The following C6orf62 variants were observed in gnomAD, a reference collection of about 807,000 sequenced individuals.
C6orf62 encodes uncharacterized protein C6orf62.
A neutral mutation model predicts 26.8 loss-of-function variants in C6orf62; 16 were observed. That is an observed-to-expected ratio of 0.60 (90% confidence interval 0.40 to 0.91). The LOEUF is 0.91. Among genes scored for constraint, C6orf62 ranks in the 40% least tolerant of loss-of-function variants. C6orf62 has a pLI of 0.00. For missense variants in C6orf62, 192 were observed against 271.4 expected (o/e 0.71, Z 2.06); for synonymous variants, 112 against 91.5 (o/e 1.22, Z -1.28).
At chr6:24,706,324 A>T (rs1779009298) in intron 4 of C6orf62, 62 bp from the exon 5 acceptor site, 1 of 1,586,864 alleles carries the variant, frequency 6.3e-7, no homozygotes. Context: ...CTGTCACATG[A>T]AGTCCATTTC....
In C6orf62 at chr6:24,716,286, T is replaced by C; in HGVS notation, c.168A>G (p.Ile56Met). The C allele has an allele frequency of 6.2e-7, 1 of 1,614,010 alleles. No homozygotes were observed. Among genetic ancestry groups the C allele is most frequent in the Non-Finnish European group, 8.5e-7 (1 of 1,179,878 alleles). The part of the protein sequence containing the change: ...KSALFEVSEV[I>M]PVMTNNYEEN... ...CTTCATAATTATTTGTCATGACTGGTATAACCTCAGACACTTCAAAAAGTG... is the reference window on the plus strand; with the variant it reads ...CTTCATAATTATTTGTCATGACTGGCATAACCTCAGACACTTCAAAAAGTG... Residue 56 changes from isoleucine (I) to methionine (M), a missense_variant, in exon 2 of 5, where the codon ATA (isoleucine) becomes ATG (methionine). Physicochemically the swap from Ile to Met is conservative, Grantham distance 10. Transcript: ENST00000378119.
Position 24,708,850 on chromosome 6 carries a change from T to C in C6orf62, c.491A>G (p.Lys164Arg). The change falls in exon 4 of 5, where the codon AAG becomes AGG. Residue 164 changes from lysine (K) to arginine (R), a missense_variant. Transcript: ENST00000378119. ...EKQFLHVLSR[K>R]DKTGIVVNNP... ...GTTGACAACGATTCCAGTCTTGTCC[T>C]TGCGGCTCAGTACATGCAGAAACTG... 6.2e-7 allele frequency: 1 copy of C among 1,614,214 alleles called. No homozygotes were observed. The highest frequency in any genetic ancestry group is 1.1e-5 in the South Asian group (1 of 91,086).
At chr6:24,718,168 T>G (rs1359908546) in intron 1 of C6orf62, among the ~76,000 whole-genome samples, 1 of 152,246 alleles carries the variant, frequency 6.6e-6, no homozygotes, top group Non-Finnish European at 1.5e-5. Context: ...ACAGTCTGAT[T>G]ACAATTTCAC....
intron 3 of C6orf62, chr6:24,709,405 T>C (rs1194480222): frequency 2.0e-6 from 2 of 978,368 alleles, no homozygotes; most frequent in Non-Finnish European, 2.4e-6. Context: ...TGTTAATTGC[T>C]GTTTCTAAGA....
intron 1 of C6orf62, 55 bp from the exon 2 acceptor site, chr6:24,716,379 TCA>T: frequency 8.0e-7 from 1 of 1,245,612 alleles, no homozygotes; most frequent in South Asian, 1.3e-5. Flanking sequence ...CTTTTAACAC[TCA>T]GTTCATATTA....
Position 24,719,137 on chromosome 6 carries a change from A to C in C6orf62, c.-469T>G. On this transcript the variant is annotated 5_prime_UTR_variant, in exon 1 of 5. Transcript: ENST00000378119. ...AGGGATTAAGGAACAGGGAGGGGGA[A>C]GTGTGATCCTTGCTTTCCAAAAAAA... is the stretch of plus-strand genomic sequence containing the variant. 4 of 525,206 alleles carry C rather than the reference A, an allele frequency of 7.6e-6. No homozygotes were observed. The highest frequency in any genetic ancestry group is 9.7e-6 in the Non-Finnish European group (4 of 412,900). The allele number at this position is 525,206 out of a possible 1,614,324, so 32.5% of individuals were successfully genotyped here.
At position 24,716,001 on chromosome 6, in the gene C6orf62, C is replaced by T. The variant is rs940391064; in HGVS notation, c.306+147G>A. 1.7e-5 allele frequency: 11 copies of T among 646,444 alleles called. No homozygotes were observed. In the Admixed American group the frequency reaches 3.0e-4, roughly 17 times the overall value. The allele number at this position is 646,444 out of a possible 1,614,324, so 40.0% of individuals were successfully genotyped here. Reference sequence around the variant, plus strand: ...ACACAATGCTTTAAAGTCATGATCCCAGTTATCAACATGGCACAAAGACAA... The same window carrying T: ...ACACAATGCTTTAAAGTCATGATCCTAGTTATCAACATGGCACAAAGACAA... On this transcript the variant is annotated intron_variant, in intron 2 of 4. Transcript: ENST00000378119.
At chr6:24,709,666 G>A (rs1337346004) in intron 3 of C6orf62, 1 of 985,312 alleles carries the variant, frequency 1.0e-6, no homozygotes, top group African/African-American at 1.7e-5. Context: ...TCAAAAATTT[G>A]TGAAGTTATG....
chr6:24,720,223 C>CG, upstream of C6orf62: 1 of 1,324,978 alleles, frequency 7.5e-7, no homozygotes, highest in Non-Finnish European at 9.6e-7. Context: ...CGGACCGACT[C>CG]TAGGGCGGGG....
chr6:24,719,988 T>C (rs929477942), upstream of C6orf62: 15 of 1,540,538 alleles, frequency 9.7e-6, no homozygotes, highest in Admixed American at 3.0e-4. Context: ...AGAAAATAAT[T>C]GTGTTAATAT....
upstream of C6orf62, chr6:24,719,496 C>G (rs1447919160): frequency 3.6e-6 from 4 of 1,120,164 alleles, no homozygotes; most frequent in Non-Finnish European, 4.4e-6. Context: ...TACCAACTTC[C>G]CCATCACCCA....
intron 3 of C6orf62, 113 bp downstream of exon 3, chr6:24,714,205 G>A (rs11753290): frequency 0.19 from 149,686 of 785,686 alleles, 16,078 homozygotes; most frequent in Middle Eastern, 0.22. Context: ...GGGGAGACTC[G>A]TGAAATAAAA....
chr6:24,719,810 AC>A (rs761664331), upstream of C6orf62: 324 of 1,276,708 alleles, frequency 2.5e-4, 3 homozygotes, highest in Non-Finnish European at 7.5e-6. Context: ...CCTGCCTTCC[AC>A]CCCCGCAGGT....
At chr6:24,719,471 A>C (rs1447009710), upstream of C6orf62, 2 of 1,093,456 alleles carry the variant, frequency 1.8e-6, no homozygotes, top group East Asian at 1.6e-4. Flanking sequence ...CCATGAGAAA[A>C]AACAGCGGAG....
chr6:24,712,389 G>A (rs1360417242), intron 3 of C6orf62, among the ~76,000 whole-genome samples: 1 of 151,404 alleles, frequency 6.6e-6, no homozygotes, highest in Non-Finnish European at 1.5e-5. Flanking sequence ...CTCAAAAAAA[G>A]GACGGGCATG....
upstream of C6orf62, chr6:24,720,074 G>A (rs1315907160): frequency 4.2e-5 from 50 of 1,201,038 alleles, 1 homozygote; most frequent in Non-Finnish European, 5.1e-5. Context: ...ACGTTGAACA[G>A]ACCATGTTTC....
At chr6:24,720,300 G>GGC, upstream of C6orf62, 1 of 1,277,700 alleles carries the variant, frequency 7.8e-7, no homozygotes, top group African/African-American at 1.6e-5. Flanking sequence ...GCGGCGGCGG[G>GGC]GGCGCTGCTG....
Position 24,705,220 on chromosome 6 carries a change from A to T in C6orf62, c.*917T>A, listed in dbSNP as rs568560799. ...TTTTTCTACTCCAAAACACCCTTGT[A>T]AAGTTTTTCTTTAGGATGGTGTAAA... On this transcript the variant is annotated 3_prime_UTR_variant, in exon 5 of 5. Transcript: ENST00000378119. 4 of 152,766 alleles carry T rather than the reference A, an allele frequency of 2.6e-5. No individual in the cohort carries two copies. In the East Asian group the frequency reaches 5.8e-4, roughly 22 times the overall value. The allele number at this position is 152,766 out of a possible 1,614,324, so 9.5% of individuals were successfully genotyped here. A position where few individuals can be genotyped will look rare whatever the true frequency, so the allele number is the denominator to read the frequency against.
chr6:24,719,655 C>T (rs1450176889), upstream of C6orf62: 1 of 1,447,360 alleles, frequency 6.9e-7, no homozygotes, highest in East Asian at 2.5e-5. Context: ...CAGCCTGCAA[C>T]TAGTCCTACA....
Sources: gnomAD v4.1 joint callset for allele counts (sites outside exome capture counted in the v4.1 genomes callset) on GRCh38, gnomAD v4.1.1 for gene constraint, MANE v1.5 for transcripts, NCBI Gene and HGNC (gene_info 2026-07-23, HGNC 2026-07-21) for gene names.